SLC16A5: variants seen among roughly 807,000 people sequenced by gnomAD.
The protein encoded by SLC16A5 is monocarboxylate transporter 6.
In SLC16A5, 29 loss-of-function variants were observed where a neutral mutation model predicts 33.2. That is an observed-to-expected ratio of 0.87 (90% CI 0.65 to 1.19). The LOEUF (loss-of-function observed/expected upper bound fraction) is 1.19, where lower values mean the gene tolerates loss of function less well. Ranked by LOEUF, SLC16A5 falls within the 50% of genes most tolerant of loss-of-function variation. The pLI is 0.00. For missense variants in SLC16A5, 606 were observed against 678.2 expected (o/e 0.89, Z 1.18); for synonymous variants, 248 against 284.1 (o/e 0.87, Z 1.28).
At chr17:75,108,441 G>C (rs996776104), downstream of SLC16A5, among the ~76,000 whole-genome samples, 2 of 152,212 alleles carry the variant, frequency 1.3e-5, no homozygotes, top group Admixed American at 6.5e-5. Context: ...ACATAGGGCA[G>C]GGGCTGACCA....
chr17:75,104,150 G>T lies in SLC16A5; in HGVS notation c.1334G>T (p.Gly445Val). The T allele has an allele frequency of 6.2e-7, 1 of 1,614,172 alleles. No individual in the cohort carries two copies. The highest frequency in any genetic ancestry group is 1.1e-5 in the South Asian group (1 of 91,086). ...GATCTTTTCTTGGAAGCCAAAGACG[G>T]TCCTGGGAAGCAACGGTCCCCTGAG... Reference protein sequence around the residue: ...ERDLFLEAKDGPGKQRSPEIM... With the variant: ...ERDLFLEAKDVPGKQRSPEIM... Residue 445 changes from glycine (G) to valine (V), a missense_variant, in exon 6 of 7, where the codon GGT becomes GTT. Coordinates refer to ENST00000329783, the MANE Select transcript of SLC16A5 (RefSeq NM_004695.4).
Position 75,100,403 on chromosome 17 carries a change from G to A in SLC16A5, c.740G>A (p.Trp247Ter). The change falls in exon 5 of 7, where the codon TGG (tryptophan) becomes TAG (stop). Residue 247 changes from tryptophan (W) to a stop codon, truncating the protein, a stop_gained. Transcript: ENST00000329783. LOFTEE classifies it high-confidence loss of function. The part of the protein sequence containing the change: ...GYCVYILGVM[W>*]SVLGFPLPQV... ...TGCGTGTACATACTGGGTGTGATGTGGTCCGTCCTGGGCTTCCCACTGCCA... is the reference window on the plus strand; with the variant it reads ...TGCGTGTACATACTGGGTGTGATGTAGTCCGTCCTGGGCTTCCCACTGCCA... 2 of 1,614,226 alleles carry A rather than the reference G, an allele frequency of 1.2e-6. No homozygotes were observed. Among genetic ancestry groups the A allele is most frequent in the Non-Finnish European group, 8.5e-7 (1 of 1,180,048 alleles).
At chr17:75,088,738 A>G (rs1369180853) in intron 1 of SLC16A5, among the ~76,000 whole-genome samples, 1 of 152,148 alleles carries the variant, frequency 6.6e-6, no homozygotes, top group Non-Finnish European at 1.5e-5. Context: ...GAAGAAGAAG[A>G]GGAGGCCCCC....
At chr17:75,102,962 C>G (rs2073819017) in intron 5 of SLC16A5, among the ~76,000 whole-genome samples, 1 of 151,980 alleles carries the variant, frequency 6.6e-6, no homozygotes, top group Non-Finnish European at 1.5e-5. Context: ...GTGATCTCAG[C>G]TCACTGCAAC....
upstream of SLC16A5, among the ~76,000 whole-genome samples, chr17:75,087,546 C>A (rs773093519): frequency 6.6e-6 from 1 of 152,192 alleles, no homozygotes; most frequent in Admixed American, 6.5e-5. Context: ...CCGGCAGGCG[C>A]AGCCCTCAAA....
At chr17:75,103,000 C>T (rs1397853653) in intron 5 of SLC16A5, among the ~76,000 whole-genome samples, 3 of 152,170 alleles carry the variant, frequency 2.0e-5, no homozygotes, top group Non-Finnish European at 4.4e-5. Context: ...AAGCAATCCT[C>T]CTGCCTCAGC....
intron 1 of SLC16A5, chr17:75,088,821 C>T (rs527813401): frequency 2.0e-5 from 3 of 152,358 alleles, no homozygotes; most frequent in South Asian, 2.1e-4. Flanking sequence ...ACCAGGCGTT[C>T]GAGCTCCAGG....
At chr17:75,096,410 T>A (rs1419969545) in intron 3 of SLC16A5, among the ~76,000 whole-genome samples, 1 of 148,884 alleles carries the variant, frequency 6.7e-6, no homozygotes, top group Non-Finnish European at 1.5e-5. Context: ...GTGAGGAAGC[T>A]CTGTGGGTCA....
intron 3 of SLC16A5, among the ~76,000 whole-genome samples, chr17:75,096,773 C>T (rs574492309): frequency 3.3e-5 from 5 of 151,548 alleles, no homozygotes; most frequent in South Asian, 2.1e-4. Context: ...TTCAGGCGAT[C>T]CACCTGCCTC....
At chr17:75,097,136 C>T (rs1469741447) in intron 3 of SLC16A5, among the ~76,000 whole-genome samples, 1 of 152,040 alleles carries the variant, frequency 6.6e-6, no homozygotes, top group Non-Finnish European at 1.5e-5. Context: ...TACTCTGTCA[C>T]TTTTATACTC....
chr17:75,100,143 C>A lies in SLC16A5; in HGVS notation c.480C>A (p.Arg160=). Residue 160 remains arginine, a synonymous_variant, in exon 5 of 7, where the codon CGC becomes CGA. Coordinates refer to ENST00000329783, the MANE Select transcript of SLC16A5 (RefSeq NM_004695.4). The part of the protein sequence containing the change: ...LGITLWPLLS[R]YLLENLGWRG... ...TCACCCTCTGGCCGCTGCTCTCCCG[C>A]TACCTTCTGGAGAACCTGGGCTGGA... 6.2e-7 allele frequency: 1 copy of A among 1,614,216 alleles called. No individual in the cohort carries two copies. Among genetic ancestry groups the A allele is most frequent in the Non-Finnish European group, 8.5e-7 (1 of 1,180,016 alleles).
At chr17:75,091,041 GA>G (rs1225216975) in intron 2 of SLC16A5, among the ~76,000 whole-genome samples, 8 of 152,210 alleles carry the variant, frequency 5.3e-5, no homozygotes, top group African/African-American at 1.9e-4. Context: ...TGGGGAGAGG[GA>G]GCAGGGCTGG....
rs2073778081 is a variant in SLC16A5, at chr17:75,100,403, G to T, written c.740G>T (p.Trp247Leu). The T allele has an allele frequency of 1.2e-6, 2 of 1,614,226 alleles. No individual in the cohort carries two copies. Among genetic ancestry groups the T allele is most frequent in the Middle Eastern group, 1.6e-4 (1 of 6,062 alleles). The change falls in exon 5 of 7, where the codon TGG (tryptophan) becomes TTG (leucine). Residue 247 changes from tryptophan to leucine, a missense_variant. Physicochemically the swap from Trp to Leu is moderately conservative, Grantham distance 61 (BLOSUM62 -2). Transcript: ENST00000329783. ...GYCVYILGVM[W>L]SVLGFPLPQV... ...TGCGTGTACATACTGGGTGTGATGTGGTCCGTCCTGGGCTTCCCACTGCCA... is the reference window on the plus strand; with the variant it reads ...TGCGTGTACATACTGGGTGTGATGTTGTCCGTCCTGGGCTTCCCACTGCCA...
chr17:75,108,726 G>A (rs1410943358), downstream of SLC16A5, among the ~76,000 whole-genome samples: 1 of 152,178 alleles, frequency 6.6e-6, no homozygotes, highest in Non-Finnish European at 1.5e-5. Context: ...TTACATAATT[G>A]TTTTGAAATA....
At chr17:75,108,609 A>G (rs564040766), downstream of SLC16A5, among the ~76,000 whole-genome samples, 12 of 152,290 alleles carry the variant, frequency 7.9e-5, no homozygotes, top group African/African-American at 2.6e-4. Flanking sequence ...AAAGAAAATG[A>G]TATCTATTTG....
Position 75,104,462 on chromosome 17 carries a change from C to T in SLC16A5, c.1364+282C>T, listed in dbSNP as rs963071793. 4.2e-6 allele frequency: 5 copies of T among 1,194,502 alleles called. No individual in the cohort carries two copies. In the African/African-American group the frequency reaches 4.9e-5, roughly 12 times the overall value. 74.0% of individuals were successfully genotyped at this position (1,194,502 alleles called of 1,614,324 possible). A position where few individuals can be genotyped will look rare whatever the true frequency, so the allele number is the denominator to read the frequency against. On this transcript the variant is annotated intron_variant, in intron 6 of 6. Coordinates refer to ENST00000329783, the MANE Select transcript of SLC16A5 (RefSeq NM_004695.4). ...GAGGCGGAGTTTCACTCTTGTTGCC[C>T]AGGCTGGAGTGCAGTGGCACCATCT... is the stretch of plus-strand genomic sequence containing the variant.
intron 6 of SLC16A5, chr17:75,105,112 G>A (rs1417067847): frequency 5.4e-5 from 53 of 985,318 alleles, no homozygotes; most frequent in Admixed American, 6.1e-5. Flanking sequence ...ATTGGGCCTC[G>A]CACTGGGCAG....
At chr17:75,109,291 A>G (rs2073887790), downstream of SLC16A5, among the ~76,000 whole-genome samples, 1 of 152,164 alleles carries the variant, frequency 6.6e-6, no homozygotes, top group African/African-American at 2.4e-5. This position sits in a 1 kb window ranked among gnomAD's most constrained non-coding sequence, Gnocchi z 5.0. Context: ...GACATGACCC[A>G]GTACCCTTTG....
At chr17:75,102,511 T>C (rs1414771571) in intron 5 of SLC16A5, among the ~76,000 whole-genome samples, 7 of 151,900 alleles carry the variant, frequency 4.6e-5, no homozygotes, top group Admixed American at 4.6e-4. Context: ...TGATTTATGA[T>C]GCGAGGGAAA....
Sources: gnomAD v4.1 joint callset for allele counts (sites outside exome capture counted in the v4.1 genomes callset) on GRCh38, gnomAD v4.1.1 for gene constraint, Gnocchi (gnomAD v3.1) non-coding constraint, MANE v1.5 for transcripts, NCBI Gene and HGNC (gene_info 2026-07-23, HGNC 2026-07-21) for gene names.